Variants in CEP70 observed in about 807,000 individuals in gnomAD.
CEP70 encodes the protein centrosomal protein of 70 kDa.
Under a neutral mutation model 90.9 loss-of-function variants are expected in CEP70, and 70 were observed. The observed-to-expected ratio is 0.77, with a 90% CI of 0.64 to 0.94. The LOEUF (loss-of-function observed/expected upper bound fraction) is 0.94. Ranked by LOEUF, CEP70 falls within the 40% of genes least tolerant of loss-of-function variation. The pLI is 0.00. For synonymous variants in CEP70, 220 were observed against 228.3 expected, an observed-to-expected ratio of 0.96 and a Z score of 0.33; for missense variants, 648 against 669.0, an observed-to-expected ratio of 0.97 and a Z score of 0.35.
At chr3:138,572,572 T>C (rs1226719015) in intron 3 of CEP70, among the ~76,000 whole-genome samples, 2 of 152,162 alleles carry the variant, frequency 1.3e-5, no homozygotes, top group Non-Finnish European at 1.5e-5. Context: ...ATTCTGAAAA[T>C]AGTTGGGAAT....
chr3:138,526,453 G>A (rs1260009616), intron 10 of CEP70, among the ~76,000 whole-genome samples: 2 of 152,090 alleles, frequency 1.3e-5, no homozygotes, highest in African/African-American at 4.8e-5. Context: ...GAGCCACCAC[G>A]CCCAGCCATT....
chr3:138,541,430 G>GA (rs36091559), intron 6 of CEP70, among the ~76,000 whole-genome samples: 59,219 of 144,384 alleles, frequency 0.41, 12,446 homozygotes, highest in Non-Finnish European at 0.46. Flanking sequence ...AAAAGAAAAA[G>GA]AAAAAAAAAA....
intron 2 of CEP70, among the ~76,000 whole-genome samples, chr3:138,587,620 C>CAAAAAAAGAA (rs2042170199): frequency 7.3e-6 from 1 of 137,430 alleles, no homozygotes; most frequent in Non-Finnish European, 1.5e-5. Flanking sequence ...CCCATCTCTA[C>CAAAAAAAGAA]AAAAAAAAGA....
chr3:138,522,350 A>G (rs1347402183), intron 11 of CEP70, among the ~76,000 whole-genome samples: 2 of 151,834 alleles, frequency 1.3e-5, no homozygotes, highest in Admixed American at 6.6e-5. Context: ...AAAGCTAGCA[A>G]AAGGCAAGAA....
intron 6 of CEP70, among the ~76,000 whole-genome samples, chr3:138,553,218 G>A (rs2039748155): frequency 1.3e-5 from 2 of 151,948 alleles, no homozygotes; most frequent in South Asian, 2.1e-4. Context: ...GATGGCTCAC[G>A]CCTGTAATCC....
intron 10 of CEP70, among the ~76,000 whole-genome samples, chr3:138,526,737 G>A (rs1002839706): frequency 6.6e-6 from 1 of 152,110 alleles, no homozygotes; most frequent in African/African-American, 2.4e-5. Flanking sequence ...TATAATTTGA[G>A]AATGAGAACT....
At chr3:138,521,541 A>T (rs2036634988) in intron 11 of CEP70, among the ~76,000 whole-genome samples, 1 of 131,178 alleles carries the variant, frequency 7.6e-6, no homozygotes, top group East Asian at 2.4e-4. Context: ...CGGCCGCCCC[A>T]TCTGGGATGT....
intron 10 of CEP70, among the ~76,000 whole-genome samples, chr3:138,528,170 G>C (rs1455631963): frequency 6.6e-6 from 1 of 151,616 alleles, no homozygotes; most frequent in Non-Finnish European, 1.5e-5. Context: ...TCAGTCTTCG[G>C]AGTAGCTGGG....
intron 6 of CEP70, among the ~76,000 whole-genome samples, chr3:138,542,944 CCTGAGTCTAG>C (rs1439219643): frequency 1.3e-5 from 2 of 152,114 alleles, no homozygotes; most frequent in Non-Finnish European, 2.9e-5. Flanking sequence ...TTGATGAGTC[CCTGAGTCTAG>C]CTGAGCCTTG....
chr3:138,507,875 A>G (rs940714372), intron 12 of CEP70, among the ~76,000 whole-genome samples: 2 of 152,156 alleles, frequency 1.3e-5, no homozygotes, highest in Non-Finnish European at 2.9e-5. Context: ...CTTAATTTTT[A>G]AAAAAATGAA....
intron 17 of CEP70, chr3:138,496,528 C>T (rs2033968070): frequency 1.0e-6 from 1 of 985,250 alleles, no homozygotes; most frequent in African/African-American, 1.7e-5. Flanking sequence ...AGTGAGAAAC[C>T]TGCCTTACAA....
chr3:138,507,584 G>T (rs1312108364), intron 12 of CEP70, among the ~76,000 whole-genome samples: 1 of 152,110 alleles, frequency 6.6e-6, no homozygotes, highest in African/African-American at 2.4e-5. Context: ...ACAAATCTGT[G>T]CATATAAATG....
chr3:138,513,042 G>A (rs2035671404), intron 11 of CEP70, among the ~76,000 whole-genome samples: 2 of 152,196 alleles, frequency 1.3e-5, no homozygotes, highest in South Asian at 4.1e-4. Flanking sequence ...GAAGGCAAGT[G>A]TTTCTCTAGG....
At chr3:138,587,061 G>C (rs1196051548) in intron 2 of CEP70, among the ~76,000 whole-genome samples, 1 of 151,768 alleles carries the variant, frequency 6.6e-6, no homozygotes, top group Non-Finnish European at 1.5e-5. Flanking sequence ...TCACAAAACA[G>C]ATAGGAACTA....
rs1369600842 is a variant in CEP70, at chr3:138,495,094, T to C, written c.1733-18A>G. 9 of 1,485,300 alleles carry C rather than the reference T, an allele frequency of 6.1e-6. No individual in the cohort carries two copies. In the Admixed American group the frequency reaches 1.5e-4, roughly 25 times the overall value. The allele number at this position is 1,485,300 out of a possible 1,614,324, so 92.0% of individuals were successfully genotyped here. A position where few individuals can be genotyped will look rare whatever the true frequency, so the allele number is the denominator to read the frequency against. ...ATCAATTTCTGTAATACAAAAACAG[T>C]AATAATAAAAGAGAGTAACTTTTTC... On this transcript the variant is annotated intron_variant, in intron 17 of 17. Coordinates refer to ENST00000264982, the MANE Select transcript of CEP70 (RefSeq NM_024491.4).
intron 2 of CEP70, among the ~76,000 whole-genome samples, chr3:138,590,830 A>G (rs887651051): frequency 2.0e-5 from 3 of 152,012 alleles, no homozygotes; most frequent in Admixed American, 6.6e-5. Flanking sequence ...TAATAAAAAA[A>G]AAACAGGGAA....
chr3:138,593,211 CAG>C (rs1438374112), intron 1 of CEP70: 1 of 152,134 alleles, frequency 6.6e-6, no homozygotes, highest in African/African-American at 2.4e-5. Context: ...AATGCCTGCA[CAG>C]AGTTTAATAT....
At chr3:138,561,762 A>G (rs1228819124) in intron 6 of CEP70, among the ~76,000 whole-genome samples, 1 of 152,112 alleles carries the variant, frequency 6.6e-6, no homozygotes, top group Non-Finnish European at 1.5e-5. Context: ...GCGGTGGCTC[A>G]CCCCTGTAAT....
Position 138,497,558 on chromosome 3 carries a change from G to C in CEP70, c.1732+473C>G, listed in dbSNP as rs186124808. ...AATGAAGCCCTCAATCTGACCCTCA[G>C]TATAAGTGTAATATTTCATCTTTTC... On this transcript the variant is annotated intron_variant, in intron 17 of 17. Transcript: ENST00000264982. The C allele has an allele frequency of 5.2e-4, 501 of 959,946 alleles. 2 individuals are homozygous for C. In the African/African-American group the frequency reaches 8.3e-3, roughly 16 times the overall value. 59.5% of individuals were successfully genotyped at this position (959,946 alleles called of 1,614,324 possible).
Sources: gnomAD v4.1 joint callset for allele counts (sites outside exome capture counted in the v4.1 genomes callset) on GRCh38, gnomAD v4.1.1 for gene constraint, MANE v1.5 for transcripts, NCBI Gene and HGNC (gene_info 2026-07-23, HGNC 2026-07-21) for gene names.